BMP2K: variants seen among roughly 807,000 people sequenced by gnomAD.
The protein encoded by BMP2K is BMP-2-inducible protein kinase.
In BMP2K, 74 loss-of-function variants were observed where a neutral mutation model predicts 116.0. That is an observed-to-expected ratio of 0.64 (90% CI 0.53 to 0.77). The LOEUF (loss-of-function observed/expected upper bound fraction) is 0.77. Among genes scored for constraint, BMP2K ranks in the 30% least tolerant of loss-of-function variants. The pLI is 0.00. For synonymous variants in BMP2K, 486 were observed against 502.5 expected (o/e 0.97, Z 0.44); for missense variants, 1,365 against 1,403.6 (o/e 0.97, Z 0.44).
At position 78,887,242 on chromosome 4, in the gene BMP2K, C is replaced by A. The variant is rs1182002864; in HGVS notation, c.2020C>A (p.Pro674Thr). ...DSLSAPHNHP[P>T]EDPFGSVPFI... Reference sequence around the variant, plus strand: ...ACTTTCTGCTCCACATAACCATCCTCCAGAAGATCCTTTTGGTTCTGTTCC... The same window carrying A: ...ACTTTCTGCTCCACATAACCATCCTACAGAAGATCCTTTTGGTTCTGTTCC... Residue 674 changes from proline (P) to threonine (T), a missense_variant, in exon 15 of 16, where the codon CCA becomes ACA. This residue lies in a region of BMP2K where 596 missense variants were observed against 623.2 expected (regional missense o/e 0.96). Transcript: ENST00000502613. The A allele has an allele frequency of 1.2e-6, 2 of 1,611,484 alleles. No individual in the cohort carries two copies. Among genetic ancestry groups the A allele is most frequent in the South Asian group, 2.2e-5 (2 of 90,344 alleles).
chr4:78,783,774 C>G (rs991868835), intron 1 of BMP2K, among the ~76,000 whole-genome samples: 1 of 151,838 alleles, frequency 6.6e-6, no homozygotes, highest in Non-Finnish European at 1.5e-5. Context: ...CCATTGCACT[C>G]CAGCCTGGGT....
chr4:78,810,650 G>A (rs1200166771), intron 1 of BMP2K, among the ~76,000 whole-genome samples: 1 of 152,174 alleles, frequency 6.6e-6, no homozygotes, highest in East Asian at 1.9e-4. Context: ...CTCTAAACCT[G>A]TTTTGTTTCC....
At chr4:78,797,273 G>A (rs1387010633) in intron 1 of BMP2K, among the ~76,000 whole-genome samples, 1 of 152,070 alleles carries the variant, frequency 6.6e-6, no homozygotes, top group Non-Finnish European at 1.5e-5. Flanking sequence ...TCCACAGATC[G>A]CATTCTTCCT....
chr4:78,776,513 TC>T lies in BMP2K; in HGVS notation c.-28del. On this transcript the variant is annotated 5_prime_UTR_variant, in exon 1 of 16. Transcript: ENST00000502613. ...GGGCCGGGGACTTGCCCTTGCACGC[TC>T]CCTGCGCCCTCCAGCTCGCCGGCGG... The T allele has an allele frequency of 8.9e-7, 1 of 1,127,846 alleles. No individual in the cohort carries two copies. 69.9% of individuals were successfully genotyped at this position (1,127,846 alleles called of 1,614,324 possible).
In BMP2K at chr4:78,841,838, T is replaced by C. The variant is rs75225774; in HGVS notation, c.404-547T>C. 4.5e-3 allele frequency among the ~76,000 whole-genome samples: 681 copies of C among 152,226 alleles called. 3 individuals carry two copies. The highest frequency in any genetic ancestry group is 0.015 in the African/African-American group (644 of 41,562). On this transcript the variant is annotated intron_variant, in intron 3 of 15. Coordinates refer to ENST00000502613, the MANE Select transcript of BMP2K (RefSeq NM_198892.2). Reference sequence around the variant, plus strand: ...ATTGTTCTCCCAAGTCTCTGCCTGGTTGATTCCTAATTATCCTTCAATCTC... The same window carrying C: ...ATTGTTCTCCCAAGTCTCTGCCTGGCTGATTCCTAATTATCCTTCAATCTC...
chr4:78,791,295 T>TA (rs1727984864), intron 1 of BMP2K, among the ~76,000 whole-genome samples: 2 of 152,282 alleles, frequency 1.3e-5, no homozygotes, highest in South Asian at 2.1e-4. Context: ...GTCTATCAGG[T>TA]AAAAAATGTT....
At chr4:78,861,287 C>A in intron 8 of BMP2K, 102 bp from the exon 9 acceptor site, 1 of 836,734 alleles carries the variant, frequency 1.2e-6, no homozygotes, top group Non-Finnish European at 1.8e-6. Context: ...AATAGTGTCT[C>A]ATAGTACTTT....
At chr4:78,829,780 CTTTTCTT>C (rs1262018444) in intron 2 of BMP2K, among the ~76,000 whole-genome samples, 15 of 114,978 alleles carry the variant, frequency 1.3e-4, no homozygotes, top group African/African-American at 3.8e-4. Flanking sequence ...CTTTTCTTTT[CTTTTCTT>C]TTCTCTTCTC....
At chr4:78,814,260 G>A (rs1578489809) in intron 1 of BMP2K, among the ~76,000 whole-genome samples, 1 of 152,058 alleles carries the variant, frequency 6.6e-6, no homozygotes, top group East Asian at 1.9e-4. Flanking sequence ...GCTATTCTCT[G>A]CCCTGTGCTT....
intron 2 of BMP2K, among the ~76,000 whole-genome samples, chr4:78,829,471 G>GCAT (rs977394923): frequency 4.0e-5 from 6 of 150,010 alleles, no homozygotes; most frequent in Non-Finnish European, 7.4e-5. Flanking sequence ...GAATTCCTCA[G>GCAT]CATCATCTGT....
intron 1 of BMP2K, among the ~76,000 whole-genome samples, chr4:78,783,632 C>G (rs1202282857): frequency 6.6e-6 from 1 of 151,996 alleles, no homozygotes; most frequent in Non-Finnish European, 1.5e-5. Context: ...AGGGTGAAAC[C>G]CCATCTCTAC....
Position 78,776,369 on chromosome 4 carries a change from A to C in BMP2K, c.-175A>C. 1.9e-6 allele frequency: 1 copy of C among 533,070 alleles called. No individual in the cohort carries two copies. The allele number at this position is 533,070 out of a possible 1,614,324, so 33.0% of individuals were successfully genotyped here. On this transcript the variant is annotated 5_prime_UTR_variant, in exon 1 of 16. Transcript: ENST00000502613. ...CCGGGCAGCTGCAGCGGAGCCGCGGAGCGGGCGGCGGGGCCCAGGCTGTGC... is the reference window on the plus strand; with the variant it reads ...CCGGGCAGCTGCAGCGGAGCCGCGGCGCGGGCGGCGGGGCCCAGGCTGTGC...
intron 1 of BMP2K, among the ~76,000 whole-genome samples, chr4:78,824,931 G>A (rs1260323522): frequency 6.6e-6 from 1 of 152,210 alleles, no homozygotes; most frequent in Admixed American, 6.5e-5. Flanking sequence ...GCCAGGCACT[G>A]TGGCTCACAC....
intron 5 of BMP2K, among the ~76,000 whole-genome samples, chr4:78,845,902 A>G (rs530042318): frequency 2.6e-5 from 4 of 151,794 alleles, no homozygotes; most frequent in South Asian, 4.1e-4. Flanking sequence ...GCTACATACT[A>G]CTACTCAGGA....
chr4:78,815,741 G>T (rs895385683), intron 1 of BMP2K, among the ~76,000 whole-genome samples: 1 of 152,030 alleles, frequency 6.6e-6, no homozygotes, highest in South Asian at 2.1e-4. Flanking sequence ...TTTGAATAGG[G>T]ACTGTACAAG....
chr4:78,894,083 A>G (rs536565690), intron 15 of BMP2K, among the ~76,000 whole-genome samples: 1 of 152,232 alleles, frequency 6.6e-6, no homozygotes. Flanking sequence ...ACTATGCTGG[A>G]AACAGATGTG....
chr4:78,884,682 G>C (rs914183763), intron 14 of BMP2K, among the ~76,000 whole-genome samples: 4 of 152,138 alleles, frequency 2.6e-5, no homozygotes, highest in African/African-American at 4.8e-5. Context: ...GGAGAAGAGT[G>C]GGGGAGTCCA....
intron 2 of BMP2K, 152 bp from the exon 3 acceptor site, chr4:78,833,430 A>T (rs986178903): frequency 2.2e-5 from 10 of 463,096 alleles, no homozygotes; most frequent in African/African-American, 1.6e-4. Flanking sequence ...AAACCATAGA[A>T]GCCTTTGCTT....
intron 1 of BMP2K, among the ~76,000 whole-genome samples, chr4:78,806,702 G>A (rs1195416340): frequency 6.6e-6 from 1 of 152,080 alleles, no homozygotes; most frequent in Non-Finnish European, 1.5e-5. Context: ...CAGGGAGAAA[G>A]CTTTCAGTCT....
Sources: gnomAD v4.1 joint callset for allele counts (sites outside exome capture counted in the v4.1 genomes callset) on GRCh38, gnomAD v4.1.1 for gene constraint, gnomAD v4.1.1 regional missense constraint, MANE v1.5 for transcripts, NCBI Gene and HGNC (gene_info 2026-07-23, HGNC 2026-07-21) for gene names.